Variants in BYSL observed in about 807,000 individuals in gnomAD.
The protein encoded by BYSL is bystin.
Under a neutral mutation model 45.4 loss-of-function variants are expected in BYSL, and 21 were observed. The ratio of observed to expected loss-of-function variants is 0.46; its 90% confidence interval spans 0.33 to 0.67. BYSL has a LOEUF of 0.67. BYSL is among the 30% of genes least tolerant of loss of function. BYSL has a pLI of 0.02. For missense variants in BYSL, 522 were observed against 578.5 expected, an observed-to-expected ratio of 0.90 and a Z score of 1.00; for synonymous variants, 215 against 231.3, an observed-to-expected ratio of 0.93 and a Z score of 0.64.
At chr6:41,915,789 A>AACACACACAC in the BYSL span, among the ~76,000 whole-genome samples, 9 of 148,708 alleles carry the variant, frequency 6.1e-5, no homozygotes, top group South Asian at 2.1e-4. Context: ...TCCGTCTCAA[A>AACACACACAC]ACACACACAC....
At chr6:41,924,205 C>T (rs925415706) in intron 1 of BYSL, among the ~76,000 whole-genome samples, 66 of 151,028 alleles carry the variant, frequency 4.4e-4, no homozygotes, top group Non-Finnish European at 7.4e-4. Context: ...GGATTACAGG[C>T]GCCCGCCACC....
At chr6:41,911,234 T>C in the BYSL span, among the ~76,000 whole-genome samples, 1 of 149,784 alleles carries the variant, frequency 6.7e-6, no homozygotes, top group South Asian at 2.2e-4. Context: ...CACTGCAACC[T>C]CCACCTCTTA....
rs1485988749 is a variant in BYSL, at chr6:41,921,541, C to G, written c.-22C>G. On this transcript the variant is annotated 5_prime_UTR_variant, in exon 1 of 7. Transcript: ENST00000230340. ...TCTTCAGTCCCCACGTGCGATCCTT[C>G]CCGGCAACTTTTTCGAGAAAAATGC... is the stretch of plus-strand genomic sequence containing the variant. The G allele has an allele frequency of 6.4e-7, 1 of 1,551,728 alleles. No homozygotes were observed. Among genetic ancestry groups the G allele is most frequent in the South Asian group, 1.2e-5 (1 of 81,458 alleles).
chr6:41,924,371 C>T (rs1175760371), intron 1 of BYSL, among the ~76,000 whole-genome samples: 2 of 152,132 alleles, frequency 1.3e-5, no homozygotes, highest in East Asian at 3.8e-4. Context: ...GCACCCAGCC[C>T]ATAGTACTTA....
upstream of BYSL, chr6:41,917,396 T>C (rs917036751): frequency 1.7e-5 from 3 of 174,888 alleles, no homozygotes; most frequent in Non-Finnish European, 3.7e-5. Flanking sequence ...CGAGACGCCA[T>C]CTTAAAAAAA....
In BYSL at chr6:41,926,719, G is replaced by A. The variant is rs567338812; in HGVS notation, c.269-655G>A. Among the ~76,000 whole-genome samples, 3 of 151,050 alleles carry A rather than the reference G, an allele frequency of 2.0e-5. No individual in the cohort carries two copies. In the East Asian group the frequency reaches 6.0e-4, roughly 30 times the overall value. ...CCGCCTCGGCCTCCCAAAGTGCTGG[G>A]ATTACAGGCGTGAGCCACCGTGCCC... is the stretch of plus-strand genomic sequence containing the variant. On this transcript the variant is annotated intron_variant, in intron 1 of 6. Coordinates refer to ENST00000230340, the MANE Select transcript of BYSL (RefSeq NM_004053.4).
At chr6:41,921,926 A>G (rs1390899222) in intron 1 of BYSL, 96 bp downstream of exon 1, 2 of 1,449,354 alleles carry the variant, frequency 1.4e-6, no homozygotes, top group Non-Finnish European at 1.8e-6. Context: ...GCTTCGAGTC[A>G]ACAAAGGGGT....
At chr6:41,925,451 C>A (rs1173926301) in intron 1 of BYSL, among the ~76,000 whole-genome samples, 2 of 151,684 alleles carry the variant, frequency 1.3e-5, no homozygotes, top group African/African-American at 4.8e-5. Flanking sequence ...GCAAGCTCCG[C>A]CTCCCGGGTT....
chr6:41,909,423 T>C, the BYSL span: 1 of 1,614,146 alleles, frequency 6.2e-7, no homozygotes. Flanking sequence ...CACATCAAAG[T>C]TGGTGTCAGC....
At chr6:41,925,457 G>A (rs1053193788) in intron 1 of BYSL, among the ~76,000 whole-genome samples, 4 of 149,716 alleles carry the variant, frequency 2.7e-5, no homozygotes, top group African/African-American at 7.4e-5. Context: ...TCCGCCTCCC[G>A]GGTTCACACC....
chr6:41,916,292 T>C, the BYSL span, among the ~76,000 whole-genome samples: 4 of 146,732 alleles, frequency 2.7e-5, no homozygotes, highest in African/African-American at 1.0e-4. Flanking sequence ...TAAAATAAAA[T>C]AAAGTGGCCG....
upstream of BYSL, among the ~76,000 whole-genome samples, chr6:41,920,104 G>C (rs1218137834): frequency 1.3e-5 from 2 of 152,080 alleles, no homozygotes; most frequent in Admixed American, 6.5e-5. Flanking sequence ...ACGAGCACTG[G>C]ACCCATACCT....
At chr6:41,914,617 A>G in the BYSL span, among the ~76,000 whole-genome samples, 1 of 140,450 alleles carries the variant, frequency 7.1e-6, no homozygotes, top group East Asian at 2.0e-4. Context: ...ACTCATATCC[A>G]AAGAGTCTCT....
rs767840364 is a variant in BYSL at position 41,930,263 on chromosome 6, T to C, written c.563T>C (p.Val188Ala). 1 of 1,613,144 alleles carries C rather than the reference T, an allele frequency of 6.2e-7. No individual in the cohort carries two copies. The highest frequency in any genetic ancestry group is 1.1e-5 in the South Asian group (1 of 90,988). ...CGGGTCCTAGAAGTGTACAGGGGGG[T>C]CCGGGAGGTAAGAGCTGAGAGGGGA... is the stretch of plus-strand genomic sequence containing the variant. Reference protein sequence around the residue: ...DPRVLEVYRGVREVLSKYRSG... With the variant: ...DPRVLEVYRGAREVLSKYRSG... Residue 188 changes from valine (V) to alanine (A), a missense_variant, in exon 3 of 7, where the codon GTC (valine) becomes GCC (alanine). Coordinates refer to ENST00000230340, the MANE Select transcript of BYSL (RefSeq NM_004053.4).
At chr6:41,921,479 G>A, upstream of BYSL, 1 of 1,475,502 alleles carries the variant, frequency 6.8e-7, no homozygotes, top group Non-Finnish European at 9.0e-7. Context: ...GGCCTCTTGG[G>A]CGCTGGGAGT....
At chr6:41,909,632 T>C in the BYSL span, 15 of 1,481,782 alleles carry the variant, frequency 1.0e-5, no homozygotes, top group African/African-American at 1.7e-4. Context: ...TGGCACTACC[T>C]CAGCAGTTCT....
chr6:41,915,463 A>G, the BYSL span, among the ~76,000 whole-genome samples: 1 of 152,070 alleles, frequency 6.6e-6, no homozygotes, highest in Admixed American at 6.5e-5. Context: ...AAAGCACTTC[A>G]GCCTGGTCAA....
At chr6:41,917,343 T>C (rs993968863), upstream of BYSL, 1 of 172,600 alleles carries the variant, frequency 5.8e-6, no homozygotes, top group Non-Finnish European at 1.3e-5. Context: ...GAGACTGCAG[T>C]AAGCCGAGAC....
At position 41,923,253 on chromosome 6, in the gene BYSL, C is replaced by T. The variant is rs969673614; in HGVS notation, c.268+1423C>T. ...ATCTCCTGGGCTCCAGTCGTCTTTC[C>T]ACCTCAGCCTCCCACGTAGCTGGGA... On this transcript the variant is annotated intron_variant, in intron 1 of 6. Coordinates refer to ENST00000230340, the MANE Select transcript of BYSL (RefSeq NM_004053.4). Among the ~76,000 whole-genome samples the T allele has an allele frequency of 2.6e-5, 4 of 152,112 alleles. No homozygotes were observed. In the East Asian group the frequency reaches 7.7e-4, roughly 29 times the overall value.
Sources: gnomAD v4.1 joint callset for allele counts (sites outside exome capture counted in the v4.1 genomes callset) on GRCh38, gnomAD v4.1.1 for gene constraint, MANE v1.5 for transcripts, NCBI Gene and HGNC (gene_info 2026-07-23, HGNC 2026-07-21) for gene names.